Variants in KCNQ3 observed in about 807,000 individuals in gnomAD.
KCNQ3 encodes potassium voltage-gated channel subfamily Q member 3.
Under a neutral mutation model 92.5 loss-of-function variants are expected in KCNQ3, and 30 were observed. The ratio of observed to expected loss-of-function variants is 0.32; its 90% confidence interval spans 0.24 to 0.44. The LOEUF is 0.44. Ranked by LOEUF, KCNQ3 falls within the 20% of genes least tolerant of loss-of-function variation. KCNQ3 has a pLI of 1.00. For synonymous variants in KCNQ3, 450 were observed against 468.8 expected (o/e 0.96, Z 0.52); for missense variants, 913 against 1,140.3 (o/e 0.80, Z 2.87).
At chr8:132,455,234 G>A (rs55657553) in intron 1 of KCNQ3, among the ~76,000 whole-genome samples, 1,646 of 152,172 alleles carry the variant, frequency 0.011, 12 homozygotes, top group Non-Finnish European at 0.016. Flanking sequence ...AGCCTCCCGA[G>A]TAGATGGGAT....
intron 9 of KCNQ3, among the ~76,000 whole-genome samples, chr8:132,161,200 C>T (rs539498222): frequency 6.6e-6 from 1 of 152,218 alleles, no homozygotes; most frequent in South Asian, 2.1e-4. Flanking sequence ...TTTTTCTTAT[C>T]CCCAATATAG....
At chr8:132,340,645 C>T (rs543784813) in intron 1 of KCNQ3, among the ~76,000 whole-genome samples, 3 of 152,086 alleles carry the variant, frequency 2.0e-5, no homozygotes, top group South Asian at 4.1e-4. Flanking sequence ...GGGGAGGATG[C>T]GTTAGGACAA....
At chr8:132,405,935 A>G (rs1333407791) in intron 1 of KCNQ3, among the ~76,000 whole-genome samples, 1 of 152,170 alleles carries the variant, frequency 6.6e-6, no homozygotes, top group African/African-American at 2.4e-5. Flanking sequence ...AACAGCCTCC[A>G]GGTCTTAGGC....
chr8:132,168,230 T>C (rs2130098152), intron 8 of KCNQ3, among the ~76,000 whole-genome samples: 1 of 152,276 alleles, frequency 6.6e-6, no homozygotes, highest in Admixed American at 6.5e-5. Context: ...AACCCTGCAA[T>C]ATTTGCTAGC....
At chr8:132,343,583 G>T (rs7813775) in intron 1 of KCNQ3, among the ~76,000 whole-genome samples, 4 of 151,914 alleles carry the variant, frequency 2.6e-5, no homozygotes, top group African/African-American at 7.3e-5. Flanking sequence ...AGGCCATCTG[G>T]GCTGAGGCAT....
chr8:132,310,837 G>A (rs1234479966), intron 1 of KCNQ3, among the ~76,000 whole-genome samples: 5 of 152,100 alleles, frequency 3.3e-5, no homozygotes, highest in African/African-American at 9.7e-5. Flanking sequence ...AAAATTCTGC[G>A]TGGTTTATTA....
Position 132,403,016 on chromosome 8 carries a change from C to CAA in KCNQ3, c.386+77129_386+77130dup, listed in dbSNP as rs375099145. ...CTGGCAACAGGGCGAGGCACCATCA[C>CAA]AAAAAAAAAAAAAAAAGTGTCAATA... On this transcript the variant is annotated intron_variant, in intron 1 of 14. Transcript: ENST00000388996. Among the ~76,000 whole-genome samples the CAA allele has an allele frequency of 3.1e-4, 21 of 67,626 alleles. 3 individuals carry two copies. Among genetic ancestry groups the CAA allele is most frequent in the Admixed American group, 1.1e-3 (5 of 4,394 alleles). 44.4% of individuals were successfully genotyped at this position (67,626 alleles called of 152,430 possible). A position where few individuals can be genotyped will look rare whatever the true frequency, so the allele number is the denominator to read the frequency against.
chr8:132,154,421 T>G (rs1368836149), intron 9 of KCNQ3, among the ~76,000 whole-genome samples: 1 of 152,042 alleles, frequency 6.6e-6, no homozygotes, highest in African/African-American at 2.4e-5. Flanking sequence ...GTGGGAACCC[T>G]TGGATAGGCC....
rs150546257 is a variant in KCNQ3 at position 132,161,807 on chromosome 8, C to T, written c.1262+1661G>A. Among the ~76,000 whole-genome samples, 787 of 152,290 alleles carry T rather than the reference C, an allele frequency of 5.2e-3. 11 individuals are homozygous for T. Among genetic ancestry groups the T allele is most frequent in the African/African-American group, 0.018 (751 of 41,544 alleles). ...ATACATTCCTGACATTCTGTAGTCA[C>T]TTGGTTCCCCGCCTCCTGCGTAAAG... On this transcript the variant is annotated intron_variant, in intron 9 of 14. Coordinates refer to ENST00000388996, the MANE Select transcript of KCNQ3 (RefSeq NM_004519.4).
chr8:132,279,056 A>G (rs1586890059), intron 1 of KCNQ3, among the ~76,000 whole-genome samples: 1 of 152,022 alleles, frequency 6.6e-6, no homozygotes, highest in East Asian at 1.9e-4. Flanking sequence ...TCTCTACTAG[A>G]AATAAAAAAA....
chr8:132,444,416 A>T lies in KCNQ3; in HGVS notation c.386+35731T>A, dbSNP rs569164384. ...GGTCTACACTGAATATCGTTGAATC[A>T]AGGATTTTATTCCAAATAATGAGGC... On this transcript the variant is annotated intron_variant, in intron 1 of 14. Transcript: ENST00000388996. 2.0e-5 allele frequency among the ~76,000 whole-genome samples: 3 copies of T among 152,320 alleles called. No homozygotes were observed. The East Asian group carries it at 5.8e-4, about 29-fold the overall frequency.
Position 132,215,984 on chromosome 8 carries a change from A to C in KCNQ3, c.387-29803T>G, listed in dbSNP as rs185767464. On this transcript the variant is annotated intron_variant, in intron 1 of 14. Coordinates refer to ENST00000388996, the MANE Select transcript of KCNQ3 (RefSeq NM_004519.4). The stretch of plus-strand genomic sequence containing the variant: ...AAGATAAAGGGGAGACTTGGACCTG[A>C]GAGTCTATGATTATCAGTAAATATA... 1.6e-3 allele frequency among the ~76,000 whole-genome samples: 245 copies of C among 152,298 alleles called. 1 individual carries two copies. The highest frequency in any genetic ancestry group is 2.7e-3 in the Non-Finnish European group (186 of 68,028).
intron 1 of KCNQ3, among the ~76,000 whole-genome samples, chr8:132,225,960 C>T (rs1814402340): frequency 6.6e-6 from 1 of 152,156 alleles, no homozygotes; most frequent in African/African-American, 2.4e-5. Context: ...ATTCTGCATT[C>T]TTATTCTAAA....
intron 1 of KCNQ3, among the ~76,000 whole-genome samples, chr8:132,436,809 T>C (rs1196120365): frequency 1.3e-5 from 2 of 152,156 alleles, no homozygotes; most frequent in East Asian, 3.9e-4. Context: ...TAGTGGTTAG[T>C]TCTCCCTGGG....
At chr8:132,406,008 T>G (rs949437477) in intron 1 of KCNQ3, among the ~76,000 whole-genome samples, 1 of 151,938 alleles carries the variant, frequency 6.6e-6, no homozygotes, top group Non-Finnish European at 1.5e-5. Flanking sequence ...CCCAGGTGGG[T>G]GGCAGTGTGT....
intron 1 of KCNQ3, among the ~76,000 whole-genome samples, chr8:132,477,506 T>C (rs75696357): frequency 0.011 from 1,736 of 152,322 alleles, 29 homozygotes; most frequent in African/African-American, 0.039. Flanking sequence ...AAAGGTTCAA[T>C]TATGTTCACT....
At chr8:132,228,199 A>G (rs1814494678) in intron 1 of KCNQ3, among the ~76,000 whole-genome samples, 1 of 152,232 alleles carries the variant, frequency 6.6e-6, no homozygotes, top group Admixed American at 6.5e-5. Context: ...ATTTACAGAA[A>G]TAAGTCCATA....
intron 1 of KCNQ3, among the ~76,000 whole-genome samples, chr8:132,365,689 G>A (rs571520701): frequency 7.8e-4 from 119 of 152,252 alleles, no homozygotes; most frequent in Middle Eastern, 6.8e-3. Flanking sequence ...AACAGAATCT[G>A]GAACAAAATA....
At chr8:132,436,359 T>A (rs1821396150) in intron 1 of KCNQ3, among the ~76,000 whole-genome samples, 1 of 152,230 alleles carries the variant, frequency 6.6e-6, no homozygotes, top group Non-Finnish European at 1.5e-5. Flanking sequence ...CCATCACTAA[T>A]AAACATTTTC....
Sources: gnomAD v4.1 joint callset for allele counts (sites outside exome capture counted in the v4.1 genomes callset) on GRCh38, gnomAD v4.1.1 for gene constraint, MANE v1.5 for transcripts, NCBI Gene and HGNC (gene_info 2026-07-23, HGNC 2026-07-21) for gene names.